Variants in TNC observed in about 807,000 individuals in gnomAD.
The protein encoded by TNC is tenascin.
In TNC, 109 loss-of-function variants were observed where a neutral mutation model predicts 202.4. The observed-to-expected ratio is 0.54, with a 90% CI of 0.46 to 0.63. TNC has a LOEUF of 0.63. TNC is among the 30% of genes least tolerant of loss of function. TNC has a pLI of 0.00. For missense variants in TNC, 2,756 were observed against 2,833.3 expected (o/e 0.97, Z 0.62); for synonymous variants, 1,007 against 1,089.7 (o/e 0.92, Z 1.50).
chr9:115,064,499 G>T, intron 11 of TNC, 148 bp downstream of exon 11: 1 of 1,061,334 alleles, frequency 9.4e-7, no homozygotes, highest in Non-Finnish European at 1.4e-6. Context: ...TTGGGGTTCT[G>T]TAGCGTGATG....
intron 1 of TNC, among the ~76,000 whole-genome samples, chr9:115,110,008 C>T (rs1379688984): frequency 6.6e-6 from 1 of 151,886 alleles, no homozygotes; most frequent in African/African-American, 2.4e-5. Flanking sequence ...ACTATATTGT[C>T]AAGAGGGGCA....
intron 10 of TNC, among the ~76,000 whole-genome samples, chr9:115,072,278 C>T (rs1833525398): frequency 6.6e-6 from 1 of 152,128 alleles, no homozygotes; most frequent in East Asian, 1.9e-4. Context: ...TTACAGCAGC[C>T]ATGTTGTGAC....
At chr9:115,057,567 G>T in intron 14 of TNC, 142 bp from the exon 15 acceptor site, 1 of 929,042 alleles carries the variant, frequency 1.1e-6, no homozygotes, top group Non-Finnish European at 1.6e-6. Context: ...AGGAAGCAAT[G>T]TTACCAATTA....
intron 18 of TNC, 100 bp from the exon 19 acceptor site, chr9:115,041,184 T>C: frequency 7.6e-7 from 1 of 1,324,466 alleles, no homozygotes; most frequent in Non-Finnish European, 1.0e-6. Flanking sequence ...AATGAAACTA[T>C]ATCTTCATCA....
chr9:115,076,602 T>C, intron 7 of TNC, 27 bp from the exon 8 acceptor site: 2 of 1,611,120 alleles, frequency 1.2e-6, no homozygotes, highest in Non-Finnish European at 1.7e-6. Flanking sequence ...ACATTTGTAT[T>C]GAACATATCA....
In TNC at chr9:115,021,046, C is replaced by G. The variant is rs1367377481; in HGVS notation, c.*111G>C. The G allele has an allele frequency of 1.2e-6, 1 of 847,054 alleles. No individual in the cohort carries two copies. The highest frequency in any genetic ancestry group is 1.9e-6 in the Non-Finnish European group (1 of 538,724). 52.5% of individuals were successfully genotyped at this position (847,054 alleles called of 1,614,324 possible). On this transcript the variant is annotated 3_prime_UTR_variant, in exon 28 of 28. Coordinates refer to ENST00000350763, the MANE Select transcript of TNC (RefSeq NM_002160.4). ...GGGATCCATGGTCAGCTTTGACTCT[C>G]ACCAAATGCCCAGGTGTGGACCGAT...
chr9:115,055,122 T>G lies in TNC; in HGVS notation c.4579+2031A>C, dbSNP rs141676657. On this transcript the variant is annotated intron_variant, in intron 15 of 27. Transcript: ENST00000350763. ...TCTTTGAACATGACATAGGCAAACT[T>G]TGATTAGAACGACCACAGGCAGATG... is the stretch of plus-strand genomic sequence containing the variant. 3.0e-4 allele frequency among the ~76,000 whole-genome samples: 46 copies of G among 152,230 alleles called. 2 individuals carry two copies. In the East Asian group the frequency reaches 4.8e-3, roughly 16 times the overall value.
intron 23 of TNC, 114 bp downstream of exon 23, chr9:115,031,430 CAGTGAATCG>C: frequency 9.0e-7 from 1 of 1,112,984 alleles, no homozygotes; most frequent in Non-Finnish European, 1.2e-6. Flanking sequence ...CAAGTAGTAG[CAGTGAATCG>C]ATTCTTTTCA....
intron 1 of TNC, among the ~76,000 whole-genome samples, chr9:115,092,802 T>C: frequency 6.6e-6 from 1 of 151,430 alleles, no homozygotes; most frequent in East Asian, 1.9e-4. Context: ...CCCAGGCTGG[T>C]CCCGAACTCC....
intron 19 of TNC, among the ~76,000 whole-genome samples, chr9:115,039,986 C>T (rs1830609902): frequency 6.6e-6 from 1 of 152,194 alleles, no homozygotes; most frequent in Non-Finnish European, 1.5e-5. Flanking sequence ...CCTATGAGGT[C>T]TATTCTTTGT....
intron 3 of TNC, 51 bp downstream of exon 3, chr9:115,085,813 G>C (rs536010517): frequency 1.3e-6 from 2 of 1,514,230 alleles, no homozygotes; most frequent in South Asian, 1.2e-5. Flanking sequence ...CCCATACTAG[G>C]AGTCCACTCC....
At chr9:115,063,362 G>T (rs1028376193) in intron 12 of TNC, among the ~76,000 whole-genome samples, 173 bp from the exon 13 acceptor site, 11 of 152,268 alleles carry the variant, frequency 7.2e-5, no homozygotes, top group Middle Eastern at 3.4e-3. Flanking sequence ...CTAAAGCCAG[G>T]GTTTTTCTAT....
At position 115,087,094 on chromosome 9, in the gene TNC, C is replaced by A. The variant is rs7020958; in HGVS notation, c.637G>T (p.Gly213Cys). Residue 213 changes from glycine (G) to cysteine (C), a missense_variant, in exon 3 of 28, where the codon GGC (glycine) becomes TGC (cysteine). Transcript: ENST00000350763. ...GQCICDDGFT[G>C]EDCSQLACPS... Reference sequence around the variant, plus strand: ...CAAGCCAGCTGGCTGCAGTCCTCGCCCGTGAAGCCGTCGTCACAGATGCAC... The same window carrying A: ...CAAGCCAGCTGGCTGCAGTCCTCGCACGTGAAGCCGTCGTCACAGATGCAC... 2 of 1,614,124 alleles carry A rather than the reference C, an allele frequency of 1.2e-6. No homozygotes were observed. The highest frequency in any genetic ancestry group is 2.2e-5 in the East Asian group (1 of 44,904).
Position 115,086,112 on chromosome 9 carries a change from C to A in TNC, c.1619G>T (p.Gly540Val), listed in dbSNP as rs749889114. ...LSCPNDCHGQ[G>V]RCVNGQCVCH... is the part of the protein sequence containing the mutation. ...CACGCACTGCCCATTCACACAGCGACCCTGGCCATGGCAGTCATTTGGACA... is the reference window on the plus strand; with the variant it reads ...CACGCACTGCCCATTCACACAGCGAACCTGGCCATGGCAGTCATTTGGACA... The change falls in exon 3 of 28, where the codon GGT becomes GTT. Residue 540 changes from glycine to valine, a missense_variant. Physicochemically the swap from Gly to Val is moderately radical, Grantham distance 109. Around this residue, in one of 2 missense-constraint regions of TNC, gnomAD observed 2,559 missense variants for 2,546.0 expected, o/e 1.01. Transcript: ENST00000350763. The A allele has an allele frequency of 1.2e-6, 2 of 1,613,850 alleles. No homozygotes were observed. Among genetic ancestry groups the A allele is most frequent in the Non-Finnish European group, 1.7e-6 (2 of 1,179,766 alleles).
intron 2 of TNC, among the ~76,000 whole-genome samples, chr9:115,087,760 G>A (rs1294556575): frequency 6.8e-6 from 1 of 146,522 alleles, no homozygotes; most frequent in Non-Finnish European, 1.5e-5. Context: ...GGAGTGCAGC[G>A]GCGCCATCTT....
At chr9:115,027,704 G>T (rs184956736) in intron 25 of TNC, among the ~76,000 whole-genome samples, 135 of 152,296 alleles carry the variant, frequency 8.9e-4, no homozygotes, top group African/African-American at 3.0e-3. Context: ...GGGGTAGGCA[G>T]TGGTGCATAG....
chr9:115,086,171 G>A lies in TNC; in HGVS notation c.1560C>T (p.Asp520=), dbSNP rs534990610. The A allele has an allele frequency of 4.6e-5, 74 of 1,613,932 alleles. No individual in the cohort carries two copies. The highest frequency in any genetic ancestry group is 3.3e-4 in the South Asian group (30 of 91,070). Residue 520 remains aspartate (D), a synonymous_variant, in exon 3 of 28, where the codon GAC becomes GAT. Coordinates refer to ENST00000350763, the MANE Select transcript of TNC (RefSeq NM_002160.4). Reference sequence around the variant, plus strand: ...CTGCACAGTCAGGGCCGGTGAAGCCGTCCTCACAGACGCACTGTCCGTCCA... The same window carrying A: ...CTGCACAGTCAGGGCCGGTGAAGCCATCCTCACAGACGCACTGTCCGTCCA... The part of the protein sequence containing the change: ...LCVDGQCVCE[D]GFTGPDCAEL...
Position 115,087,272 on chromosome 9 carries a change from G to T in TNC, c.459C>A (p.Gly153=), listed in dbSNP as rs1038097231. Residue 153 remains glycine (G), a splice_region_variant and synonymous_variant, in exon 3 of 28, where the codon GGC becomes GGA. Coordinates refer to ENST00000350763, the MANE Select transcript of TNC (RefSeq NM_002160.4). ...TACAGAAGGGCCTGGTGTCCAAGCG[G>T]CCTGCAACAAAAGAAACAGAAGTTC... The part of the protein sequence containing the change: ...GAGCCLQPAT[G]RLDTRPFCSG... The T allele has an allele frequency of 6.2e-7, 1 of 1,609,842 alleles. No individual in the cohort carries two copies. The highest frequency in any genetic ancestry group is 8.5e-7 in the Non-Finnish European group (1 of 1,176,482).
intron 1 of TNC, among the ~76,000 whole-genome samples, chr9:115,092,846 A>C (rs966956214): frequency 2.0e-5 from 3 of 151,650 alleles, no homozygotes; most frequent in African/African-American, 7.3e-5. Context: ...TCAACTTCCC[A>C]AAGTGCTAGG....
Sources: allele counts gnomAD v4.1 joint callset (sites outside exome capture counted in the v4.1 genomes callset), GRCh38; gene constraint gnomAD v4.1.1; regional missense constraint gnomAD v4.1.1; transcripts MANE v1.5; gene names NCBI Gene and HGNC (gene_info 2026-07-23, HGNC 2026-07-21).